Variants in HACE1 observed in about 807,000 individuals in gnomAD.
HACE1 encodes HECT domain and ankyrin repeat containing E3 ubiquitin protein ligase 1, also known as E3 ubiquitin-protein ligase HACE1.
HACE1 carries 73 observed loss-of-function variants against 118.4 expected under a neutral mutation model. The ratio of observed to expected loss-of-function variants is 0.62; its 90% confidence interval spans 0.51 to 0.75. HACE1 has a LOEUF of 0.75. HACE1 is among the 30% of genes least tolerant of loss of function. The probability of loss-of-function intolerance (pLI) is 0.00; values close to 1 mark genes in which losing one functional copy is unlikely to be tolerated. For synonymous variants in HACE1, 368 were observed against 374.8 expected, an observed-to-expected ratio of 0.98 and a Z score of 0.21; for missense variants, 749 against 1,102.2, an observed-to-expected ratio of 0.68 and a Z score of 4.54.
At position 104,791,512 on chromosome 6, in the gene HACE1, C is replaced by A; in HGVS notation, c.1066G>T (p.Val356Leu). 1.9e-6 allele frequency: 3 copies of A among 1,612,844 alleles called. No individual in the cohort carries two copies. The highest frequency in any genetic ancestry group is 1.7e-6 in the Non-Finnish European group (2 of 1,178,946). The part of the protein sequence containing the change: ...YNGNKTPRSQ[V>L]FKPLELLWHS... ...CCATATACTTTTCTCACCTTGAACA[C>A]CTGGCTTCTTGGAGTTTTATTCCCA... The change falls in exon 11 of 24, where the codon GTG (valine) becomes TTG (leucine). Residue 356 changes from valine (V) to leucine (L), a missense_variant. Physicochemically the swap from Val to Leu is conservative, Grantham distance 32. Coordinates refer to ENST00000262903, the MANE Select transcript of HACE1 (RefSeq NM_020771.4).
In HACE1 at chr6:104,740,711, A is replaced by AG. The variant is rs1489738094; in HGVS notation, c.2513+3448dup. ...AGAGTCCAGGACCAGATGGATTCACAGCCAAATTCTACCAGAGGTACAAGG... is the reference window on the plus strand; with the variant it reads ...AGAGTCCAGGACCAGATGGATTCACAGGCCAAATTCTACCAGAGGTACAAGG... On this transcript the variant is annotated intron_variant, in intron 22 of 23. Transcript: ENST00000262903. Among the ~76,000 whole-genome samples the AG allele has an allele frequency of 1.7e-3, 250 of 147,548 alleles. 1 individual carries two copies. The highest frequency in any genetic ancestry group is 6.1e-3 in the African/African-American group (241 of 39,374).
At chr6:104,794,716 C>A (rs975893748) in intron 10 of HACE1, among the ~76,000 whole-genome samples, 3 of 152,250 alleles carry the variant, frequency 2.0e-5, no homozygotes, top group Admixed American at 2.0e-4. Context: ...CCAGCCTGGG[C>A]AACATGGCAA....
chr6:104,792,393 C>T (rs944008785), intron 10 of HACE1, among the ~76,000 whole-genome samples: 3 of 152,186 alleles, frequency 2.0e-5, no homozygotes, highest in African/African-American at 7.2e-5. Flanking sequence ...TATTGGTCAA[C>T]ATCATGAATA....
At chr6:104,844,672 T>TC (rs1290242856) in intron 4 of HACE1, among the ~76,000 whole-genome samples, 14 of 147,916 alleles carry the variant, frequency 9.5e-5, no homozygotes, top group Non-Finnish European at 1.9e-4. Flanking sequence ...CTTTTTTTTT[T>TC]TTTTTTTGAG....
intron 5 of HACE1, among the ~76,000 whole-genome samples, chr6:104,841,696 T>C (rs1355335878): frequency 1.3e-5 from 2 of 152,292 alleles, no homozygotes; most frequent in East Asian, 3.9e-4. Flanking sequence ...GGTAAGTAAA[T>C]ATTCAATATT....
At chr6:104,806,337 C>G (rs1221903169) in intron 7 of HACE1, among the ~76,000 whole-genome samples, 1 of 152,064 alleles carries the variant, frequency 6.6e-6, no homozygotes, top group Non-Finnish European at 1.5e-5. Context: ...TGGTGCACAT[C>G]TATAGTCCCA....
intron 19 of HACE1, among the ~76,000 whole-genome samples, chr6:104,756,531 C>T (rs981473181): frequency 6.6e-6 from 1 of 151,584 alleles, no homozygotes; most frequent in Non-Finnish European, 1.5e-5. Flanking sequence ...CTTCAGCTTC[C>T]TTGAGACAAA....
At chr6:104,735,026 A>G (rs1167206750) in intron 22 of HACE1, among the ~76,000 whole-genome samples, 1 of 152,082 alleles carries the variant, frequency 6.6e-6, no homozygotes, top group Non-Finnish European at 1.5e-5. Context: ...AAAAACTTAC[A>G]TTAAAAAATT....
chr6:104,756,444 T>TAC (rs1489159274), intron 19 of HACE1, among the ~76,000 whole-genome samples: 6 of 146,106 alleles, frequency 4.1e-5, no homozygotes, highest in South Asian at 2.2e-4. Flanking sequence ...TATATATATA[T>TAC]ATACACACAC....
chr6:104,834,933 C>A lies in HACE1; in HGVS notation c.403-1760G>T, dbSNP rs548803639. Among the ~76,000 whole-genome samples the A allele has an allele frequency of 1.2e-4, 19 of 152,358 alleles. No individual in the cohort carries two copies. The East Asian group carries it at 2.5e-3, about 20-fold the overall frequency. On this transcript the variant is annotated intron_variant, in intron 5 of 23. Coordinates refer to ENST00000262903, the MANE Select transcript of HACE1 (RefSeq NM_020771.4). ...ACTCAACCAGATAGAATGCAAGAGG[C>A]TTGAAAACAGTCTCTAGATAAGAGA...
chr6:104,737,867 T>C (rs1277793395), intron 22 of HACE1, among the ~76,000 whole-genome samples: 1 of 152,222 alleles, frequency 6.6e-6, no homozygotes, highest in African/African-American at 2.4e-5. Context: ...GCTCCACCTC[T>C]GGGGGCAGGG....
At chr6:104,818,325 T>A (rs1044112073) in intron 6 of HACE1, among the ~76,000 whole-genome samples, 3 of 152,020 alleles carry the variant, frequency 2.0e-5, no homozygotes, top group African/African-American at 7.2e-5. Context: ...GTGGTGTCTG[T>A]AAGGTCCCAA....
intron 19 of HACE1, among the ~76,000 whole-genome samples, chr6:104,758,216 C>T (rs974476228): frequency 1.3e-5 from 2 of 152,126 alleles, no homozygotes; most frequent in South Asian, 4.2e-4. Flanking sequence ...AGATACTCCT[C>T]GAGAAGAGCA....
chr6:104,789,496 G>C (rs544183915), intron 11 of HACE1, among the ~76,000 whole-genome samples: 1 of 151,834 alleles, frequency 6.6e-6, no homozygotes, highest in African/African-American at 2.4e-5. Flanking sequence ...ATAAAGTCTG[G>C]GTTCTATTTT....
intron 1 of HACE1, chr6:104,858,386 C>G (rs1388010589): frequency 3.9e-6 from 1 of 256,792 alleles, no homozygotes; most frequent in African/African-American, 2.4e-5. Context: ...TAAATAGAGA[C>G]TAGAGACCAT....
chr6:104,834,378 A>G (rs1323461801), intron 5 of HACE1, among the ~76,000 whole-genome samples: 1 of 152,210 alleles, frequency 6.6e-6, no homozygotes, highest in East Asian at 1.9e-4. Context: ...CAAGTAACAC[A>G]TGTATCTTAC....
chr6:104,732,456 A>C (rs1333876263), intron 22 of HACE1: 2 of 152,186 alleles, frequency 1.3e-5, no homozygotes, highest in Non-Finnish European at 2.9e-5. Flanking sequence ...AAAAGGACAA[A>C]TATTGTATGA....
At chr6:104,780,493 T>C in intron 14 of HACE1, 1 of 327,438 alleles carries the variant, frequency 3.1e-6, no homozygotes, top group South Asian at 2.6e-5. Flanking sequence ...GTCAATCCCT[T>C]AGCAGAGGTA....
chr6:104,751,955 C>CAAA (rs397935188), intron 19 of HACE1, among the ~76,000 whole-genome samples: 26,828 of 124,388 alleles, frequency 0.22, 2,679 homozygotes, highest in East Asian at 0.26. Context: ...AAAAACCAAA[C>CAAA]AAAAAAAAAA....
Sources: gnomAD v4.1 joint callset for allele counts (sites outside exome capture counted in the v4.1 genomes callset) on GRCh38, gnomAD v4.1.1 for gene constraint, MANE v1.5 for transcripts, NCBI Gene and HGNC (gene_info 2026-07-23, HGNC 2026-07-21) for gene names.